PIEZO1: variants seen among roughly 807,000 people sequenced by gnomAD.
The protein encoded by PIEZO1 is piezo type mechanosensitive ion channel component 1 (Er blood group), also known as piezo-type mechanosensitive ion channel component 1.
PIEZO1 carries 296 observed loss-of-function variants against 297.2 expected under a neutral mutation model. That is an observed-to-expected ratio of 1.00 (90% CI 0.91 to 1.10). The LOEUF (loss-of-function observed/expected upper bound fraction) is 1.10, where lower values mean the gene tolerates loss of function less well. Among genes scored for constraint, PIEZO1 ranks in the 50% least tolerant of loss-of-function variants. PIEZO1 has a pLI of 0.00. For synonymous variants in PIEZO1, 2,427 were observed against 1,507.5 expected, an observed-to-expected ratio of 1.61 and a Z score of -14.13; for missense variants, 5,018 against 3,455.5, an observed-to-expected ratio of 1.45 and a Z score of -11.34.
At position 88,720,151 on chromosome 16, in the gene PIEZO1, G is replaced by A; in HGVS notation, c.6082C>T (p.Leu2028=). The change falls in exon 42 of 51, where the codon CTG becomes TTG. Residue 2028 remains leucine (L), a synonymous_variant. Transcript: ENST00000301015. ...GCCACCTGGAAGGCCAGCTTGCCCA[G>A]CACGGTCTTGCGCAGGTAGAGGGCG... ...DRALYLRKTV[L]GKLAFQVALV... 10 of 1,550,492 alleles carry A rather than the reference G, an allele frequency of 6.4e-6. No individual in the cohort carries two copies. The highest frequency in any genetic ancestry group is 2.4e-5 in the East Asian group (1 of 40,928).
Position 88,733,981 on chromosome 16 carries a change from CCTCCTCCTG to C in PIEZO1, c.2245_2253del (p.Gln749_Glu751del), listed in dbSNP as rs762099096. The C allele has an allele frequency of 3.2e-5, 50 of 1,546,874 alleles. No homozygotes were observed. In the African/African-American group the frequency reaches 5.6e-4, roughly 17 times the overall value. On this transcript the variant is annotated inframe_deletion, in exon 17 of 51. Transcript: ENST00000301015. ...TCCCTGGAGTCCTCCTCCTCCTCCT[CCTCCTCCTG>C]CTGCTGCTGCTGATGCTCCTGCTGC...
At chr16:88,777,666 A>T (rs147455491) in intron 1 of PIEZO1, among the ~76,000 whole-genome samples, 1 of 152,242 alleles carries the variant, frequency 6.6e-6, no homozygotes, top group Non-Finnish European at 1.5e-5. Context: ...CTTTAACCAT[A>T]AACAGAAATC....
chr16:88,723,262 G>T lies in PIEZO1; in HGVS notation c.4402C>A (p.Gln1468Lys). 6.5e-7 allele frequency: 1 copy of T among 1,543,522 alleles called. No individual in the cohort carries two copies. The highest frequency in any genetic ancestry group is 8.7e-7 in the Non-Finnish European group (1 of 1,146,444). Residue 1468 changes from glutamine (Q) to lysine (K), a missense_variant, in exon 32 of 51, where the codon CAG becomes AAG. Coordinates refer to ENST00000301015, the MANE Select transcript of PIEZO1 (RefSeq NM_001142864.4). The stretch of plus-strand genomic sequence containing the variant: ...TGTCCTGCCTGTTCCTGCCTTGCCT[G>T]CTCCTGCTCCTGCTGCCGCCGCCTC... ...VLRRRQQEQE[Q>K]ARQEQAGQLP...
chr16:88,764,456 G>A (rs892825000), intron 1 of PIEZO1, among the ~76,000 whole-genome samples: 3 of 152,066 alleles, frequency 2.0e-5, no homozygotes, highest in African/African-American at 4.8e-5. Flanking sequence ...ATCACGCGTC[G>A]ACATTCCCCT....
Position 88,738,630 on chromosome 16 carries a change from G to A in PIEZO1, c.572C>T (p.Thr191Met), listed in dbSNP as rs1048520135. 1.4e-5 allele frequency: 22 copies of A among 1,535,698 alleles called. No individual in the cohort carries two copies. Among genetic ancestry groups the A allele is most frequent in the Non-Finnish European group, 1.9e-5 (22 of 1,146,738 alleles). The change falls in exon 6 of 51, where the codon ACG becomes ATG. Residue 191 changes from threonine to methionine, a missense_variant. Thr to Met is a moderately conservative substitution (Grantham distance 81, BLOSUM62 -1). Coordinates refer to ENST00000301015, the MANE Select transcript of PIEZO1 (RefSeq NM_001142864.4). ...RSRLAARFRV[T>M]AHWLLVAAGR... ...AGCCGCCACCAGCAGCCAGTGGGCC[G>A]TGACTCGGAAACGAGCGGCCAGCCG...
intron 1 of PIEZO1, among the ~76,000 whole-genome samples, chr16:88,754,505 A>C (rs1012820987): frequency 2.0e-5 from 3 of 152,084 alleles, no homozygotes; most frequent in Admixed American, 6.5e-5. Context: ...GGGAGAGGAG[A>C]AACTGCCCAA....
chr16:88,734,639 C>T lies in PIEZO1; in HGVS notation c.1997+11G>A, dbSNP rs1392783403. 2.6e-6 allele frequency: 4 copies of T among 1,550,150 alleles called. No homozygotes were observed. The highest frequency in any genetic ancestry group is 3.9e-5 in the Admixed American group (2 of 51,010). ...CGGCGCCCCTGCCCCACCGCCCCAG[C>T]CTGGACTCACTGCTCGTCGGTGAAG... On this transcript the variant is annotated intron_variant, in intron 15 of 50. Coordinates refer to ENST00000301015, the MANE Select transcript of PIEZO1 (RefSeq NM_001142864.4).
rs1905386142 is a variant in PIEZO1, at chr16:88,738,249, G to A, written c.826C>T (p.Pro276Ser). 1 of 1,535,848 alleles carries A rather than the reference G, an allele frequency of 6.5e-7. No individual in the cohort carries two copies. Among genetic ancestry groups the A allele is most frequent in the Non-Finnish European group, 8.7e-7 (1 of 1,146,814 alleles). ...YQMPLAQALL[P>S]PAGIWARVLG... Reference sequence around the variant, plus strand: ...TACCTAGCCCAGATGCCGGCAGGCGGGAGCAGAGCCTGTGCCAAGGGCATC... The same window carrying A: ...TACCTAGCCCAGATGCCGGCAGGCGAGAGCAGAGCCTGTGCCAAGGGCATC... Residue 276 changes from proline (P) to serine (S), a missense_variant, in exon 7 of 51, where the codon CCG becomes TCG. Physicochemically the swap from Pro to Ser is moderately conservative, Grantham distance 74 (BLOSUM62 -1). Transcript: ENST00000301015.
intron 1 of PIEZO1, among the ~76,000 whole-genome samples, chr16:88,761,081 G>C (rs986112101): frequency 4.6e-5 from 7 of 152,236 alleles, no homozygotes; most frequent in Non-Finnish European, 8.8e-5. Flanking sequence ...TTGCAGGGCA[G>C]GGTGGGGGTC....
At chr16:88,783,486 G>C (rs1164464822) in intron 1 of PIEZO1, among the ~76,000 whole-genome samples, 2 of 152,246 alleles carry the variant, frequency 1.3e-5, no homozygotes, top group African/African-American at 4.8e-5. Context: ...TCAGACACAA[G>C]AGGAAATGGA....
intron 10 of PIEZO1, 63 bp downstream of exon 10, chr16:88,737,496 G>A (rs1332402884): frequency 3.3e-6 from 4 of 1,204,120 alleles, no homozygotes; most frequent in Admixed American, 4.4e-5. Context: ...GCCACCAGGG[G>A]GCAGCACCGG....
chr16:88,742,184 C>T lies in PIEZO1; in HGVS notation c.284-89G>A, dbSNP rs894780037. On this transcript the variant is annotated intron_variant, in intron 3 of 50. Transcript: ENST00000301015. ...CCCTGGAGCGTTTCACCTGGACCAT[C>T]CAGGCCAGACATAAATCAGGCTGAG... is the stretch of plus-strand genomic sequence containing the variant. The T allele has an allele frequency of 2.0e-6, 3 of 1,510,048 alleles. No individual in the cohort carries two copies. The African/African-American group carries it at 4.1e-5, about 21-fold the overall frequency. The allele number at this position is 1,510,048 out of a possible 1,614,324, so 93.5% of individuals were successfully genotyped here.
intron 21 of PIEZO1, 54 bp downstream of exon 21, chr16:88,732,281 C>T (rs1043372870): frequency 2.1e-6 from 3 of 1,460,538 alleles, no homozygotes; most frequent in Admixed American, 2.0e-5. Flanking sequence ...GCAGCCGTCC[C>T]TCCCTCCCGA....
chr16:88,780,014 A>G (rs912837019), intron 1 of PIEZO1, among the ~76,000 whole-genome samples: 8 of 152,182 alleles, frequency 5.3e-5, no homozygotes, highest in Non-Finnish European at 7.3e-5. Context: ...TGTCACTTAC[A>G]GGGGAGGAAA....
Position 88,722,668 on chromosome 16 carries a change from C to T in PIEZO1, c.4690G>A (p.Val1564Met), listed in dbSNP as rs916607752. ...TGGCTTGTGTACAGCTGATCCAGCACGCCCCTGTGCACTTCGCCGCCCTGC... is the reference window on the plus strand; with the variant it reads ...TGGCTTGTGTACAGCTGATCCAGCATGCCCCTGTGCACTTCGCCGCCCTGC... ...LLQGGEVHRGVLDQLYTSQAE... is the reference protein window; with the variant it reads ...LLQGGEVHRGMLDQLYTSQAE... Residue 1564 changes from valine (V) to methionine (M), a missense_variant, in exon 35 of 51, where the codon GTG becomes ATG. By Grantham distance (21) the Val-to-Met change is conservative (BLOSUM62 1). Transcript: ENST00000301015. The T allele has an allele frequency of 4.1e-5, 63 of 1,537,828 alleles. 1 individual carries two copies. The highest frequency in any genetic ancestry group is 4.9e-5 in the Non-Finnish European group (56 of 1,146,418).
At position 88,716,654 on chromosome 16, in the gene PIEZO1, C is replaced by T; in HGVS notation, c.6831G>A (p.Leu2277=). 7 of 1,549,520 alleles carry T rather than the reference C, an allele frequency of 4.5e-6. No individual in the cohort carries two copies. Among genetic ancestry groups the T allele is most frequent in the Non-Finnish European group, 6.1e-6 (7 of 1,146,932 alleles). The change falls in exon 47 of 51, where the codon CTG becomes CTA. Residue 2277 remains leucine, a synonymous_variant. Coordinates refer to ENST00000301015, the MANE Select transcript of PIEZO1 (RefSeq NM_001142864.4). ...TAQIEGSSGA[L]WRISPPSRAQ... is the part of the protein sequence containing the mutation. ...CACGGCTGGGGGGACTGATGCGCCA[C>T]AGCGCCCCGGAGCTGCCCTCAATCT...
intron 1 of PIEZO1, among the ~76,000 whole-genome samples, chr16:88,758,564 C>A (rs1320996781): frequency 6.6e-6 from 1 of 152,252 alleles, no homozygotes; most frequent in African/African-American, 2.4e-5. Context: ...ACTCCACAGG[C>A]ACCCACGGAC....
At chr16:88,781,520 A>C (rs138282078) in intron 1 of PIEZO1, among the ~76,000 whole-genome samples, 2 of 152,368 alleles carry the variant, frequency 1.3e-5, no homozygotes, top group Non-Finnish European at 2.9e-5. Flanking sequence ...CTCCAGGCCC[A>C]GCATGGGGAC....
intron 1 of PIEZO1, among the ~76,000 whole-genome samples, chr16:88,778,501 T>C (rs1333492616): frequency 1.3e-5 from 2 of 152,100 alleles, no homozygotes; most frequent in Non-Finnish European, 2.9e-5. Context: ...CCCGAAAAAT[T>C]GATCCACCCC....
Sources: gnomAD v4.1 joint callset for allele counts (sites outside exome capture counted in the v4.1 genomes callset) on GRCh38, gnomAD v4.1.1 for gene constraint, MANE v1.5 for transcripts, NCBI Gene and HGNC (gene_info 2026-07-23, HGNC 2026-07-21) for gene names.